The following RBFOX1 variants were observed in gnomAD, a reference collection of about 807,000 sequenced individuals.
The protein encoded by RBFOX1 is RNA binding protein fox-1 homolog 1.
RBFOX1 carries 8 observed loss-of-function variants against 57.7 expected under a neutral mutation model. That is an observed-to-expected ratio of 0.14 (90% CI 0.08 to 0.25). RBFOX1 has a LOEUF of 0.25. Ranked by LOEUF, RBFOX1 falls within the 10% of genes least tolerant of loss-of-function variation. The pLI is 1.00. For missense variants in RBFOX1, 611 were observed against 548.5 expected (o/e 1.11, Z -1.14); for synonymous variants, 326 against 222.4 (o/e 1.47, Z -4.15).
intron 5 of RBFOX1, among the ~76,000 whole-genome samples, chr16:7,550,396 G>A (rs973220322): frequency 6.6e-6 from 1 of 152,114 alleles, no homozygotes; most frequent in South Asian, 2.1e-4. Flanking sequence ...ATGCCCAGAG[G>A]GGGACCTTTA....
At chr16:6,974,113 C>T (rs576982835) in intron 3 of RBFOX1, among the ~76,000 whole-genome samples, 16 of 152,126 alleles carry the variant, frequency 1.1e-4, no homozygotes, top group African/African-American at 3.6e-4. Flanking sequence ...GATCTCATTC[C>T]TTTTTATGGC....
chr16:6,994,560 G>A (rs1229068904), intron 3 of RBFOX1, among the ~76,000 whole-genome samples: 3 of 152,096 alleles, frequency 2.0e-5, no homozygotes, highest in African/African-American at 7.2e-5. Context: ...CCAAAACCTA[G>A]CTAAAATTTC....
chr16:6,687,259 G>C (rs12934850), intron 3 of RBFOX1, among the ~76,000 whole-genome samples: 1 of 151,974 alleles, frequency 6.6e-6, no homozygotes, highest in South Asian at 2.1e-4. Context: ...CACACAGAGT[G>C]ATATAATCGA....
chr16:5,298,420 C>T (rs1449574029), intron 1 of RBFOX1, among the ~76,000 whole-genome samples: 1 of 148,154 alleles, frequency 6.7e-6, no homozygotes, highest in Admixed American at 6.7e-5. Flanking sequence ...CCAAAATAAA[C>T]ATCTCTCTCC....
intron 4 of RBFOX1, among the ~76,000 whole-genome samples, chr16:7,326,003 C>T (rs909511271): frequency 1.3e-5 from 2 of 152,152 alleles, no homozygotes; most frequent in Non-Finnish European, 2.9e-5. Context: ...GATGACTCAG[C>T]AGGTATTACA....
At chr16:7,212,497 A>T (rs1270176497) in intron 4 of RBFOX1, among the ~76,000 whole-genome samples, 2 of 152,118 alleles carry the variant, frequency 1.3e-5, no homozygotes, top group Non-Finnish European at 2.9e-5. Flanking sequence ...AATCAGGTAC[A>T]CCCTAGAGTG....
chr16:6,200,773 G>A (rs1024892609), intron 1 of RBFOX1, among the ~76,000 whole-genome samples: 13 of 152,282 alleles, frequency 8.5e-5, no homozygotes, highest in African/African-American at 3.1e-4. Context: ...GGACTTACCT[G>A]AAACCAGATG....
At chr16:7,141,148 C>G (rs1531563) in intron 4 of RBFOX1, among the ~76,000 whole-genome samples, 135,122 of 152,132 alleles carry the variant, frequency 0.89, 60,090 homozygotes, top group East Asian at 1. Flanking sequence ...GATGATGTGT[C>G]TAGACTTGCA....
At chr16:7,163,812 A>C (rs2078888155) in intron 4 of RBFOX1, among the ~76,000 whole-genome samples, 1 of 152,016 alleles carries the variant, frequency 6.6e-6, no homozygotes, top group African/African-American at 2.4e-5. Flanking sequence ...GCATGCCACC[A>C]CACCCAGCTA....
At chr16:6,029,687 G>A (rs994400783) in intron 1 of RBFOX1, among the ~76,000 whole-genome samples, 4 of 151,252 alleles carry the variant, frequency 2.6e-5, no homozygotes, top group Non-Finnish European at 5.9e-5. Context: ...GCAGGAGAAC[G>A]GCGTGAACAT....
chr16:7,165,234 G>A (rs1220770312), intron 4 of RBFOX1, among the ~76,000 whole-genome samples: 2 of 151,936 alleles, frequency 1.3e-5, no homozygotes, highest in Admixed American at 6.6e-5. Context: ...ACATGCAGTC[G>A]TGAGGTTGTG....
At chr16:6,306,229 C>T (rs970675807) in intron 1 of RBFOX1, among the ~76,000 whole-genome samples, 13 of 152,076 alleles carry the variant, frequency 8.5e-5, no homozygotes, top group Non-Finnish European at 4.4e-5. Context: ...GGAACCTGTC[C>T]TAGATTTGCT....
At chr16:7,556,772 G>C (rs996530164) in intron 5 of RBFOX1, among the ~76,000 whole-genome samples, 1 of 152,126 alleles carries the variant, frequency 6.6e-6, no homozygotes, top group South Asian at 2.1e-4. Flanking sequence ...AGGTATCATG[G>C]GGATAAATGG....
At chr16:6,435,063 T>C (rs769992868) in intron 2 of RBFOX1, among the ~76,000 whole-genome samples, 1 of 152,222 alleles carries the variant, frequency 6.6e-6, no homozygotes, top group East Asian at 1.9e-4. Flanking sequence ...TTAATTCCAT[T>C]AATACTGCAA....
At chr16:6,167,998 A>C (rs192820682) in intron 1 of RBFOX1, among the ~76,000 whole-genome samples, 35 of 152,302 alleles carry the variant, frequency 2.3e-4, no homozygotes, top group African/African-American at 8.2e-4. Flanking sequence ...CCTTAGTGAA[A>C]TGTCATTAGA....
At chr16:6,451,808 C>G (rs758313481) in intron 2 of RBFOX1, among the ~76,000 whole-genome samples, 1 of 152,274 alleles carries the variant, frequency 6.6e-6, no homozygotes, top group South Asian at 2.1e-4. Context: ...ATCCATGACT[C>G]CTTCCTCCCA....
At chr16:5,722,682 C>T (rs1434555273) in intron 3 of RBFOX1, among the ~76,000 whole-genome samples, 2 of 152,146 alleles carry the variant, frequency 1.3e-5, no homozygotes, top group African/African-American at 2.4e-5. Flanking sequence ...TGGTTGAGGA[C>T]TTTCTCAAAC....
At chr16:5,375,845 G>A (rs533844890) in intron 1 of RBFOX1, among the ~76,000 whole-genome samples, 4 of 152,262 alleles carry the variant, frequency 2.6e-5, no homozygotes, top group South Asian at 2.1e-4. Flanking sequence ...TGCCCTTTGC[G>A]ATAAGACTTT....
At chr16:7,557,716 G>A (rs575016355) in intron 5 of RBFOX1, among the ~76,000 whole-genome samples, 17 of 149,278 alleles carry the variant, frequency 1.1e-4, no homozygotes, top group South Asian at 4.2e-4. Context: ...TACCTGATGC[G>A]CTTGTTACAA....
Sources: allele counts gnomAD v4.1 joint callset (sites outside exome capture counted in the v4.1 genomes callset), GRCh38; gene constraint gnomAD v4.1.1; transcripts MANE v1.5; gene names NCBI Gene and HGNC (gene_info 2026-07-23, HGNC 2026-07-21).